ZNF385D: variants seen among roughly 807,000 people sequenced by gnomAD.
ZNF385D encodes zinc finger protein 659.
A neutral mutation model predicts 35.8 loss-of-function variants in ZNF385D; 15 were observed. The observed-to-expected ratio is 0.42, with a 90% CI of 0.28 to 0.64. The LOEUF is 0.64. Among genes scored for constraint, ZNF385D ranks in the 30% least tolerant of loss-of-function variants. The pLI is 0.23. For missense variants in ZNF385D, 474 were observed against 494.6 expected, an observed-to-expected ratio of 0.96 and a Z score of 0.39; for synonymous variants, 212 against 186.8, an observed-to-expected ratio of 1.13 and a Z score of -1.10.
chr3:21,930,399 C>G (rs1700946052), intron 3 of ZNF385D, among the ~76,000 whole-genome samples: 2 of 151,398 alleles, frequency 1.3e-5, no homozygotes, highest in Admixed American at 1.3e-4. Flanking sequence ...TCAGCTAAGA[C>G]ACCAAAAACA....
chr3:22,270,024 A>G (rs1701093913), intron 2 of ZNF385D, among the ~76,000 whole-genome samples: 1 of 151,908 alleles, frequency 6.6e-6, no homozygotes, highest in South Asian at 2.1e-4. Flanking sequence ...GCCAAATTGC[A>G]GACTCTGGCT....
chr3:21,500,576 T>C (rs913500430), intron 4 of ZNF385D, among the ~76,000 whole-genome samples: 1 of 152,174 alleles, frequency 6.6e-6, no homozygotes, highest in African/African-American at 2.4e-5. Context: ...GTGCATTCTT[T>C]TGTGCGTTAG....
chr3:21,526,677 G>A (rs529284161), intron 3 of ZNF385D, among the ~76,000 whole-genome samples: 6 of 152,060 alleles, frequency 3.9e-5, no homozygotes, highest in Non-Finnish European at 7.3e-5. Context: ...GTTAGATTTC[G>A]CAACATGTAT....
chr3:22,296,317 C>G (rs1702574336), intron 2 of ZNF385D, among the ~76,000 whole-genome samples: 1 of 152,144 alleles, frequency 6.6e-6, no homozygotes, highest in Non-Finnish European at 1.5e-5. Context: ...ATGGTTTGAA[C>G]AGCTGGAGGC....
chr3:22,175,952 A>G (rs1694805047), intron 2 of ZNF385D, among the ~76,000 whole-genome samples: 1 of 150,094 alleles, frequency 6.7e-6, no homozygotes, highest in Non-Finnish European at 1.5e-5. Context: ...TAACATTAGC[A>G]TTTGAGAAAA....
intron 2 of ZNF385D, among the ~76,000 whole-genome samples, chr3:21,661,609 A>C (rs1461339347): frequency 6.6e-6 from 1 of 152,210 alleles, no homozygotes; most frequent in African/African-American, 2.4e-5. Flanking sequence ...TAATGTCTTA[A>C]GAGATTAAAG....
intron 2 of ZNF385D, among the ~76,000 whole-genome samples, chr3:21,610,517 T>A (rs145973224): frequency 0.11 from 16,286 of 152,094 alleles, 1,211 homozygotes; most frequent in East Asian, 0.2. Flanking sequence ...ACGCCTGTAA[T>A]CCCAGCACTC....
intron 2 of ZNF385D, among the ~76,000 whole-genome samples, chr3:22,309,478 G>A (rs540353145): frequency 7.2e-5 from 11 of 151,824 alleles, no homozygotes; most frequent in African/African-American, 2.4e-4. Context: ...TTTTTGTCTC[G>A]ACTATATAGA....
intron 2 of ZNF385D, among the ~76,000 whole-genome samples, chr3:22,327,807 T>C (rs769196469): frequency 1.3e-5 from 2 of 152,222 alleles, no homozygotes; most frequent in Non-Finnish European, 2.9e-5. Context: ...TTTGTCCCTG[T>C]GCTTTGTGAA....
rs1490285102 is a variant in ZNF385D at position 21,418,358 on chromosome 3, G to A, written c.*2856C>T. The A allele has an allele frequency of 6.6e-6, 1 of 152,138 alleles. No homozygotes were observed. The highest frequency in any genetic ancestry group is 2.4e-5 in the African/African-American group (1 of 41,424). 9.4% of individuals were successfully genotyped at this position (152,138 alleles called of 1,614,324 possible). A position where few individuals can be genotyped will look rare whatever the true frequency, so the allele number is the denominator to read the frequency against. ...TATGGCAGCCTGAACTATAATGGATGTTAATCTGGTATTGGTAAATATATG... is the reference window on the plus strand; with the variant it reads ...TATGGCAGCCTGAACTATAATGGATATTAATCTGGTATTGGTAAATATATG... On this transcript the variant is annotated 3_prime_UTR_variant, in exon 8 of 8. Transcript: ENST00000281523.
intron 3 of ZNF385D, among the ~76,000 whole-genome samples, chr3:22,095,146 C>G (rs1250044220): frequency 2.2e-5 from 3 of 137,142 alleles, no homozygotes; most frequent in Non-Finnish European, 4.6e-5. Context: ...ATGCTGGTCT[C>G]AAACTCTAAA....
intron 3 of ZNF385D, among the ~76,000 whole-genome samples, chr3:22,064,962 G>A (rs974566251): frequency 4.6e-5 from 7 of 152,202 alleles, no homozygotes; most frequent in Non-Finnish European, 1.0e-4. Context: ...ACTTAGCCAT[G>A]CACAAATTAT....
intron 2 of ZNF385D, among the ~76,000 whole-genome samples, chr3:22,229,841 C>G (rs1403702364): frequency 6.6e-6 from 1 of 152,156 alleles, no homozygotes; most frequent in African/African-American, 2.4e-5. Flanking sequence ...TACCCTTCCT[C>G]CCTTTTACAG....
chr3:22,242,827 G>T (rs1425877551), intron 2 of ZNF385D, among the ~76,000 whole-genome samples: 1 of 150,932 alleles, frequency 6.6e-6, no homozygotes, highest in South Asian at 2.2e-4. Context: ...AGGCAAGCTG[G>T]GTGAGAGGTT....
At chr3:22,012,080 G>T (rs976175923) in intron 3 of ZNF385D, among the ~76,000 whole-genome samples, 1 of 152,084 alleles carries the variant, frequency 6.6e-6, no homozygotes, top group African/African-American at 2.4e-5. Context: ...TTCCTAATTT[G>T]GGAACCATAG....
chr3:22,232,529 T>A (rs957623834), intron 2 of ZNF385D, among the ~76,000 whole-genome samples: 13 of 152,166 alleles, frequency 8.5e-5, no homozygotes, highest in African/African-American at 3.1e-4. Flanking sequence ...CCTAATGCTA[T>A]CCCTCCTCTA....
intron 3 of ZNF385D, among the ~76,000 whole-genome samples, chr3:22,111,521 A>G (rs1702535988): frequency 6.6e-6 from 1 of 152,004 alleles, no homozygotes; most frequent in Non-Finnish European, 1.5e-5. Flanking sequence ...AGCCACATGG[A>G]AGTGATAGAA....
At chr3:22,286,820 C>T (rs1427685257) in intron 2 of ZNF385D, among the ~76,000 whole-genome samples, 1 of 152,006 alleles carries the variant, frequency 6.6e-6, no homozygotes, top group Non-Finnish European at 1.5e-5. Context: ...AAGAATCATC[C>T]ACGTGCACAT....
chr3:21,544,618 A>G (rs1056769754), intron 3 of ZNF385D, among the ~76,000 whole-genome samples: 1 of 152,134 alleles, frequency 6.6e-6, no homozygotes, highest in Non-Finnish European at 1.5e-5. Flanking sequence ...AAAAAAAGGT[A>G]TTATGTGGTT....
Sources: allele counts gnomAD v4.1 joint callset (sites outside exome capture counted in the v4.1 genomes callset), GRCh38; gene constraint gnomAD v4.1.1; transcripts MANE v1.5; gene names NCBI Gene and HGNC (gene_info 2026-07-23, HGNC 2026-07-21).